The following FAM185A variants were observed in gnomAD, a reference collection of about 807,000 sequenced individuals.
FAM185A encodes the protein protein FAM185A.
In FAM185A, 21 loss-of-function variants were observed where a neutral mutation model predicts 45.7. That is an observed-to-expected ratio of 0.46 (90% CI 0.33 to 0.66). The LOEUF (loss-of-function observed/expected upper bound fraction) is 0.66, where lower values mean the gene tolerates loss of function less well. Ranked by LOEUF, FAM185A falls within the 30% of genes least tolerant of loss-of-function variation. The pLI is 0.03. For synonymous variants in FAM185A, 117 were observed against 194.0 expected (o/e 0.60, Z 3.30); for missense variants, 305 against 485.4 (o/e 0.63, Z 3.49).
Position 102,749,269 on chromosome 7 carries a change from G to T in FAM185A, c.62G>T (p.Arg21Leu). 6.4e-7 allele frequency: 1 copy of T among 1,550,530 alleles called. No individual in the cohort carries two copies. The highest frequency in any genetic ancestry group is 2.4e-5 in the East Asian group (1 of 40,920). ...GCFRLCLRQV[R>L]LWAGAGRWAC... The stretch of plus-strand genomic sequence containing the variant: ...TTCCGTCTCTGTCTCCGTCAGGTCC[G>T]ACTGTGGGCTGGCGCTGGGCGCTGG... The change falls in exon 1 of 8, where the codon CGA becomes CTA. Residue 21 changes from arginine to leucine, a missense_variant. Physicochemically the swap from Arg to Leu is moderately radical, Grantham distance 102. Coordinates refer to ENST00000413034, the MANE Select transcript of FAM185A (RefSeq NM_001145268.2).
At chr7:102,793,839 G>A (rs1267157870) in intron 7 of FAM185A, among the ~76,000 whole-genome samples, 1 of 151,824 alleles carries the variant, frequency 6.6e-6, no homozygotes, top group Admixed American at 6.6e-5. Context: ...AGGAGTTAGA[G>A]ACCAGCCTGG....
rs561912081 is a variant in FAM185A at position 102,787,105 on chromosome 7, G to A, written c.932-230G>A. Among the ~76,000 whole-genome samples, 19 of 152,322 alleles carry A rather than the reference G, an allele frequency of 1.2e-4. No homozygotes were observed. In the South Asian group the frequency reaches 3.9e-3, roughly 32 times the overall value. On this transcript the variant is annotated intron_variant, in intron 6 of 7. Coordinates refer to ENST00000413034, the MANE Select transcript of FAM185A (RefSeq NM_001145268.2). ...ACTATTGGCAAAAGAAGAACTAGTAGTTAATAATGTGCTAATAACCCATAT... is the reference window on the plus strand; with the variant it reads ...ACTATTGGCAAAAGAAGAACTAGTAATTAATAATGTGCTAATAACCCATAT...
At chr7:102,847,142 C>A in the FAM185A span, among the ~76,000 whole-genome samples, 1 of 151,710 alleles carries the variant, frequency 6.6e-6, no homozygotes, top group African/African-American at 2.4e-5. Context: ...TGGGAAGTTG[C>A]GACAGAGACT....
At chr7:102,763,613 C>A (rs1183382264) in intron 4 of FAM185A, among the ~76,000 whole-genome samples, 1 of 152,192 alleles carries the variant, frequency 6.6e-6, no homozygotes, top group Non-Finnish European at 1.5e-5. Context: ...TATCCCCAAT[C>A]ATTAGATGCA....
At chr7:102,785,860 C>A (rs1055424682) in intron 6 of FAM185A, among the ~76,000 whole-genome samples, 1 of 151,920 alleles carries the variant, frequency 6.6e-6, no homozygotes, top group Non-Finnish European at 1.5e-5. Context: ...AGCTTCTGCA[C>A]AGCAAAAGAA....
At chr7:102,805,953 A>G (rs929793042) in intron 7 of FAM185A, among the ~76,000 whole-genome samples, 2 of 152,156 alleles carry the variant, frequency 1.3e-5, no homozygotes, top group Non-Finnish European at 2.9e-5. Context: ...GCCCCTGAGA[A>G]ATGTACAATG....
chr7:102,831,365 G>T, the FAM185A span, among the ~76,000 whole-genome samples: 1 of 150,048 alleles, frequency 6.7e-6, no homozygotes, highest in Non-Finnish European at 1.5e-5. Flanking sequence ...TAGAGGGCAG[G>T]CATGCTGTTA....
chr7:102,794,099 GC>G (rs1796306652), intron 7 of FAM185A, among the ~76,000 whole-genome samples: 1 of 151,204 alleles, frequency 6.6e-6, no homozygotes, highest in Non-Finnish European at 1.5e-5. Context: ...ACAAAAACAG[GC>G]CCCTGGCCAG....
chr7:102,761,134 G>A (rs2129433956), intron 3 of FAM185A, 139 bp from the exon 4 acceptor site: 1 of 709,458 alleles, frequency 1.4e-6, no homozygotes, highest in East Asian at 3.2e-5. Context: ...GTAATTAGAG[G>A]TAGGGAATCA....
At chr7:102,826,379 G>A in the FAM185A span, among the ~76,000 whole-genome samples, 2 of 152,072 alleles carry the variant, frequency 1.3e-5, no homozygotes, top group African/African-American at 2.4e-5. Flanking sequence ...GAGAGTCCAA[G>A]TTTTTGCCCT....
chr7:102,809,319 A>T (rs1797302655), downstream of FAM185A: 1 of 152,258 alleles, frequency 6.6e-6, no homozygotes, highest in South Asian at 2.1e-4. Flanking sequence ...GTATGAAGAT[A>T]GATTTTTATA....
At chr7:102,820,475 G>A in the FAM185A span, among the ~76,000 whole-genome samples, 1 of 152,110 alleles carries the variant, frequency 6.6e-6, no homozygotes, top group Non-Finnish European at 1.5e-5. Context: ...TTTTTTGCAC[G>A]TATATTTTTT....
At chr7:102,786,560 C>T (rs1483805557) in intron 6 of FAM185A, among the ~76,000 whole-genome samples, 1 of 152,154 alleles carries the variant, frequency 6.6e-6, no homozygotes, top group African/African-American at 2.4e-5. Flanking sequence ...CCATCATTCT[C>T]AGCAAACTAT....
the FAM185A span, among the ~76,000 whole-genome samples, chr7:102,826,530 G>A: frequency 0.18 from 27,327 of 150,752 alleles, 2,789 homozygotes; most frequent in East Asian, 0.43. Flanking sequence ...GAGCCCAGGA[G>A]TTTGAAATCA....
At chr7:102,773,662 C>T (rs577928608) in intron 5 of FAM185A, among the ~76,000 whole-genome samples, 22 of 152,256 alleles carry the variant, frequency 1.4e-4, no homozygotes, top group Non-Finnish European at 3.1e-4. Context: ...CCACTTTATA[C>T]TCTCATCAAC....
In FAM185A at chr7:102,751,721, T is replaced by C; in HGVS notation, c.481T>C (p.Cys161Arg). 2 of 1,551,396 alleles carry C rather than the reference T, an allele frequency of 1.3e-6. No individual in the cohort carries two copies. The highest frequency in any genetic ancestry group is 1.7e-6 in the Non-Finnish European group (2 of 1,146,748). Reference sequence around the variant, plus strand: ...AGATATCAAGTCATCAGGGTCTGGCTGTGTAAAAGTTCAAAGTATTGAGGG... The same window carrying C: ...AGATATCAAGTCATCAGGGTCTGGCCGTGTAAAAGTTCAAAGTATTGAGGG... Reference protein sequence around the residue: ...GLDIKSSGSGCVKVQSIEGDN... With the variant: ...GLDIKSSGSGRVKVQSIEGDN... Residue 161 changes from cysteine (C) to arginine (R), a missense_variant, in exon 2 of 8, where the codon TGT becomes CGT. By Grantham distance (180) the Cys-to-Arg change is radical. Around this residue, in one of 5 missense-constraint regions of FAM185A, gnomAD observed 174 missense variants for 247.1 expected, o/e 0.70. Coordinates refer to ENST00000413034, the MANE Select transcript of FAM185A (RefSeq NM_001145268.2).
At chr7:102,778,418 G>C (rs1795203037) in intron 6 of FAM185A, among the ~76,000 whole-genome samples, 2 of 152,288 alleles carry the variant, frequency 1.3e-5, no homozygotes, top group Admixed American at 6.5e-5. Context: ...TTATTACAAA[G>C]ATCCAAAGAG....
chr7:102,813,160 G>T, downstream of FAM185A: 1 of 631,854 alleles, frequency 1.6e-6, no homozygotes. Flanking sequence ...TTTAAATCAT[G>T]ATTATTTAGA....
chr7:102,834,135 A>AG, the FAM185A span, among the ~76,000 whole-genome samples: 2 of 66,846 alleles, frequency 3.0e-5, no homozygotes, highest in African/African-American at 2.0e-4. Flanking sequence ...AGAAAGAAAG[A>AG]AAGAAAAGAG....
Sources: allele counts gnomAD v4.1 joint callset (sites outside exome capture counted in the v4.1 genomes callset), GRCh38; gene constraint gnomAD v4.1.1; regional missense constraint gnomAD v4.1.1; transcripts MANE v1.5; gene names NCBI Gene and HGNC (gene_info 2026-07-23, HGNC 2026-07-21).